Variants in SHMT1 observed in about 807,000 individuals in gnomAD.
SHMT1 encodes serine hydroxymethyltransferase 1.
In SHMT1, 45 loss-of-function variants were observed where a neutral mutation model predicts 49.0. The ratio of observed to expected loss-of-function variants is 0.92; its 90% CI spans 0.72 to 1.18. The LOEUF is 1.18. SHMT1 is among the 50% of genes most tolerant of loss of function. The pLI is 0.00. For missense variants in SHMT1, 541 were observed against 612.4 expected (o/e 0.88, Z 1.23); for synonymous variants, 232 against 246.6 (o/e 0.94, Z 0.55).
At chr17:18,352,620 A>G (rs1985837703) in intron 3 of SHMT1, among the ~76,000 whole-genome samples, 1 of 152,038 alleles carries the variant, frequency 6.6e-6, no homozygotes, top group Admixed American at 6.6e-5. Flanking sequence ...CAGGAGATGG[A>G]GATCAGCCTG....
Position 18,328,932 on chromosome 17 carries a change from A to C in SHMT1, c.1283-13T>G, listed in dbSNP as rs1225892061. 4 of 1,613,446 alleles carry C rather than the reference A, an allele frequency of 2.5e-6. No homozygotes were observed. In the African/African-American group the frequency reaches 5.3e-5, roughly 22 times the overall value. Reference sequence around the variant, plus strand: ...GTCAGCTCTATCCCTGTGCCACAAGACACAAATGAGTCACCCCACACTACA... The same window carrying C: ...GTCAGCTCTATCCCTGTGCCACAAGCCACAAATGAGTCACCCCACACTACA... On this transcript the variant is annotated splice_polypyrimidine_tract_variant and intron_variant, in intron 11 of 11. Transcript: ENST00000316694.
rs200504244 is a variant in SHMT1, at chr17:18,347,621, C to T, written c.394G>A (p.Val132Met). Reference protein sequence around the residue: ...PANFAVYTALVEPHGRIMGLD... With the variant: ...PANFAVYTALMEPHGRIMGLD... ...CCCATGATGCGCCCATGGGGTTCCACCAGGGCAGTGTACACAGCAAAGTTT... is the reference window on the plus strand; with the variant it reads ...CCCATGATGCGCCCATGGGGTTCCATCAGGGCAGTGTACACAGCAAAGTTT... Residue 132 changes from valine to methionine, a missense_variant, in exon 5 of 12, where the codon GTG (valine) becomes ATG (methionine). Physicochemically the swap from Val to Met is conservative, Grantham distance 21 (BLOSUM62 1). Coordinates refer to ENST00000316694, the MANE Select transcript of SHMT1 (RefSeq NM_004169.5). 3 of 1,614,148 alleles carry T rather than the reference C, an allele frequency of 1.9e-6. No individual in the cohort carries two copies. Among genetic ancestry groups the T allele is most frequent in the Non-Finnish European group, 1.7e-6 (2 of 1,180,038 alleles).
At chr17:18,343,518 G>T (rs1984742775) in intron 5 of SHMT1, among the ~76,000 whole-genome samples, 1 of 142,810 alleles carries the variant, frequency 7.0e-6, no homozygotes, top group African/African-American at 2.6e-5. Flanking sequence ...TGAGGGAGGA[G>T]AATCGCTTAA....
intron 7 of SHMT1, among the ~76,000 whole-genome samples, chr17:18,337,552 C>T (rs1179122263): frequency 1.5e-5 from 2 of 134,156 alleles, no homozygotes; most frequent in African/African-American, 3.6e-5. Context: ...CCCTCTCCCT[C>T]TCCCTCCCCC....
At chr17:18,355,206 A>G (rs1447812403) in intron 2 of SHMT1, among the ~76,000 whole-genome samples, 4 of 149,578 alleles carry the variant, frequency 2.7e-5, no homozygotes, top group Non-Finnish European at 4.4e-5. Context: ...CACCTCTACT[A>G]AAAAATACAA....
At chr17:18,338,630 T>G (rs1984120917) in intron 7 of SHMT1, among the ~76,000 whole-genome samples, 1 of 152,320 alleles carries the variant, frequency 6.6e-6, no homozygotes, top group African/African-American at 2.4e-5. Context: ...GGGGGAAATG[T>G]GGGGAAAAGA....
chr17:18,359,244 A>G (rs1249759123), intron 1 of SHMT1, among the ~76,000 whole-genome samples: 6 of 141,952 alleles, frequency 4.2e-5, no homozygotes, highest in African/African-American at 1.0e-4. Flanking sequence ...TCTCCAGGGG[A>G]AAAAAAAAAA....
chr17:18,347,914 GTTTTTTTTTT>G (rs753251331), intron 4 of SHMT1, among the ~76,000 whole-genome samples: 1 of 137,594 alleles, frequency 7.3e-6, no homozygotes, highest in Non-Finnish European at 1.6e-5. Context: ...ATTTATGGCA[GTTTTTTTTTT>G]TTTTTTTTTT....
In SHMT1 at chr17:18,363,422, C is replaced by G. The variant is rs983183591; in HGVS notation, c.-70G>C. On this transcript the variant is annotated 5_prime_UTR_variant, in exon 1 of 12. Coordinates refer to ENST00000316694, the MANE Select transcript of SHMT1 (RefSeq NM_004169.5). Reference sequence around the variant, plus strand: ...CCGCCGGTGCCACCAGTCCCAGACCCGCTGACCCAACGCCCCGCGCACCGC... The same window carrying G: ...CCGCCGGTGCCACCAGTCCCAGACCGGCTGACCCAACGCCCCGCGCACCGC... 6.5e-6 allele frequency: 1 copy of G among 153,044 alleles called. No homozygotes were observed. The highest frequency in any genetic ancestry group is 6.5e-5 in the Admixed American group (1 of 15,292). 9.5% of individuals were successfully genotyped at this position (153,044 alleles called of 1,614,324 possible). A position where few individuals can be genotyped will look rare whatever the true frequency, so the allele number is the denominator to read the frequency against.
chr17:18,329,909 T>A (rs184557404), intron 10 of SHMT1, among the ~76,000 whole-genome samples: 6 of 152,322 alleles, frequency 3.9e-5, no homozygotes, highest in Non-Finnish European at 8.8e-5. Flanking sequence ...TCGCCTAAGC[T>A]GGAGTGCAGT....
intron 3 of SHMT1, 197 bp downstream of exon 3, chr17:18,353,475 A>C (rs1372711491): frequency 4.8e-5 from 33 of 682,612 alleles, no homozygotes; most frequent in Non-Finnish European, 3.1e-5. Context: ...TGTGCCCCTG[A>C]GTACACCTGC....
At chr17:18,352,664 C>CA in intron 3 of SHMT1, among the ~76,000 whole-genome samples, 1 of 150,864 alleles carries the variant, frequency 6.6e-6, no homozygotes, top group East Asian at 2.0e-4. Flanking sequence ...TCTGTCTCTA[C>CA]AAAAAATTAG....
At position 18,358,764 on chromosome 17, in the gene SHMT1, G is replaced by A. The variant is rs1022580222; in HGVS notation, c.-19-2764C>T. 5.9e-5 allele frequency among the ~76,000 whole-genome samples: 9 copies of A among 152,028 alleles called. No individual in the cohort carries two copies. The South Asian group carries it at 1.9e-3, about 32-fold the overall frequency. The stretch of plus-strand genomic sequence containing the variant: ...AAAAAATACAAATTATTAGCTGGTC[G>A]TGGTGGCATGCATCTGTAGTCCCAG... On this transcript the variant is annotated intron_variant, in intron 1 of 11. Coordinates refer to ENST00000316694, the MANE Select transcript of SHMT1 (RefSeq NM_004169.5).
At chr17:18,341,791 T>C (rs1984553748) in intron 5 of SHMT1, 1 of 152,144 alleles carries the variant, frequency 6.6e-6, no homozygotes, top group Non-Finnish European at 1.5e-5. Context: ...TGTCACAAAA[T>C]GCTTGACAAA....
At chr17:18,360,605 G>C (rs1304903238) in intron 1 of SHMT1, 1 of 151,930 alleles carries the variant, frequency 6.6e-6, no homozygotes, top group East Asian at 1.9e-4. Flanking sequence ...GCAATAAATG[G>C]GTGCAAGGCT....
chr17:18,330,068 T>C (rs1983025735), intron 10 of SHMT1, among the ~76,000 whole-genome samples: 1 of 151,956 alleles, frequency 6.6e-6, no homozygotes, highest in South Asian at 2.1e-4. Flanking sequence ...CTCAATCTCC[T>C]GACCTCGTGA....
Position 18,328,905 on chromosome 17 carries a change from G to C in SHMT1, c.1297C>G (p.Leu433Val), listed in dbSNP as rs1279055077. The C allele has an allele frequency of 1.2e-6, 2 of 1,613,876 alleles. No individual in the cohort carries two copies. The highest frequency in any genetic ancestry group is 1.7e-6 in the Non-Finnish European group (2 of 1,179,970). The change falls in exon 12 of 12, where the codon CTG becomes GTG. Residue 433 changes from leucine (L) to valine (V), a missense_variant. Physicochemically the swap from Leu to Val is conservative, Grantham distance 32. Transcript: ENST00000316694. ...HFIHRGIELT[L>V]QIQSDTGVRA... ...ACACCAGTGTCGCTCTGGATCTGCA[G>C]GGTCAGCTCTATCCCTGTGCCACAA...
intron 7 of SHMT1, among the ~76,000 whole-genome samples, chr17:18,337,771 G>A (rs1983977822): frequency 6.6e-6 from 1 of 152,224 alleles, no homozygotes; most frequent in African/African-American, 2.4e-5. Context: ...ACGGGGTTTT[G>A]CTGTGTTGGC....
At chr17:18,334,318 G>A (rs192967347) in intron 8 of SHMT1, among the ~76,000 whole-genome samples, 12 of 151,850 alleles carry the variant, frequency 7.9e-5, no homozygotes, top group African/African-American at 2.7e-4. Flanking sequence ...CAAACTCCTG[G>A]GCTCAAGTGA....
Sources: gnomAD v4.1 joint callset for allele counts (sites outside exome capture counted in the v4.1 genomes callset) on GRCh38, gnomAD v4.1.1 for gene constraint, MANE v1.5 for transcripts, NCBI Gene and HGNC (gene_info 2026-07-23, HGNC 2026-07-21) for gene names.